FAM81B: variants seen among roughly 807,000 people sequenced by gnomAD.
The protein encoded by FAM81B is family with sequence similarity 81 member B, also known as protein FAM81B.
FAM81B carries 60 observed loss-of-function variants against 58.7 expected under a neutral mutation model. That is an observed-to-expected ratio of 1.02 (90% CI 0.83 to 1.27). The LOEUF (loss-of-function observed/expected upper bound fraction) is 1.27. Among genes scored for constraint, FAM81B ranks in the 50% most tolerant of loss-of-function variants. The pLI, the probability that FAM81B is intolerant of heterozygous loss-of-function variation, is 0.00. For missense variants in FAM81B, 491 were observed against 522.0 expected (o/e 0.94, Z 0.58); for synonymous variants, 189 against 179.6 (o/e 1.05, Z -0.42).
rs140196225 is a variant in FAM81B, at chr5:95,428,463, T to C, written c.657-140T>C. ...AGGGAAAAATGAAGAAAGAGATTCC[T>C]GAATACACTCCTATATCTACCAACT... is the stretch of plus-strand genomic sequence containing the variant. On this transcript the variant is annotated intron_variant, in intron 5 of 9. Coordinates refer to ENST00000283357, the MANE Select transcript of FAM81B (RefSeq NM_152548.3). 595 of 1,028,276 alleles carry C rather than the reference T, an allele frequency of 5.8e-4. 4 individuals are homozygous for C. In the African/African-American group the frequency reaches 8.5e-3, roughly 15 times the overall value. 63.7% of individuals were successfully genotyped at this position (1,028,276 alleles called of 1,614,324 possible). A position where few individuals can be genotyped will look rare whatever the true frequency, so the allele number is the denominator to read the frequency against.
At chr5:95,398,455 A>AAATAATTAAAT (rs1561289603) in intron 3 of FAM81B, among the ~76,000 whole-genome samples, 3 of 129,892 alleles carry the variant, frequency 2.3e-5, no homozygotes, top group African/African-American at 8.8e-5. Flanking sequence ...AATAAATAAA[A>AAATAATTAAAT]AACTTCAGCC....
intron 5 of FAM81B, among the ~76,000 whole-genome samples, chr5:95,423,758 A>C (rs529708306): frequency 6.6e-6 from 1 of 152,312 alleles, no homozygotes; most frequent in East Asian, 1.9e-4. Context: ...TCTTTAATAT[A>C]ATATGGAAGT....
In FAM81B at chr5:95,420,342, T is replaced by G. The variant is rs748405132; in HGVS notation, c.596T>G (p.Val199Gly). The change falls in exon 5 of 10, where the codon GTA becomes GGA. Residue 199 changes from valine (V) to glycine (G), a missense_variant. Transcript: ENST00000283357. ...DQAATGTNFA[V>G]HEINIKHLQG... ...GCGGCCACAGGAACTAACTTTGCAG[T>G]ACACGAGATAAACATCAAACACCTA... The G allele has an allele frequency of 3.5e-5, 57 of 1,613,732 alleles. No individual in the cohort carries two copies. The Admixed American group carries it at 9.5e-4, about 27-fold the overall frequency.
At chr5:95,437,082 TA>T (rs1745134312) in intron 7 of FAM81B, among the ~76,000 whole-genome samples, 176 bp downstream of exon 7, 1 of 152,102 alleles carries the variant, frequency 6.6e-6, no homozygotes. Context: ...ATATTTATAA[TA>T]AAAGAATTAT....
At chr5:95,445,228 TCAGAG>T (rs991724533) in intron 7 of FAM81B, among the ~76,000 whole-genome samples, 4 of 152,188 alleles carry the variant, frequency 2.6e-5, no homozygotes, top group African/African-American at 4.8e-5. Context: ...TCTGAAAACA[TCAGAG>T]CAATTATTAC....
intron 6 of FAM81B, among the ~76,000 whole-genome samples, chr5:95,433,861 T>A (rs2152768118): frequency 6.6e-6 from 1 of 152,320 alleles, no homozygotes; most frequent in South Asian, 2.1e-4. Context: ...GTTTTTAGAA[T>A]GTTTCTGCTA....
At position 95,403,427 on chromosome 5, in the gene FAM81B, T is replaced by C. The variant is rs142430432; in HGVS notation, c.293+7252T>C. ...TGAACTAGAGTAAATATTTAGTAAG[T>C]ACTTAATGTATCTTTATTTGAAATG... On this transcript the variant is annotated intron_variant, in intron 3 of 9. Transcript: ENST00000283357. Among the ~76,000 whole-genome samples the C allele has an allele frequency of 2.7e-3, 413 of 152,350 alleles. 3 individuals are homozygous for C. Among genetic ancestry groups the C allele is most frequent in the African/African-American group, 9.5e-3 (395 of 41,576 alleles).
At position 95,428,663 on chromosome 5, in the gene FAM81B, G is replaced by A; in HGVS notation, c.717G>A (p.Arg239=). 1 of 1,613,998 alleles carries A rather than the reference G, an allele frequency of 6.2e-7. No homozygotes were observed. The highest frequency in any genetic ancestry group is 8.5e-7 in the Non-Finnish European group (1 of 1,179,860). Residue 239 remains arginine (R), a synonymous_variant, in exon 6 of 10, where the codon CGG becomes CGA. Transcript: ENST00000283357. ...TTCACTTATTCAGGCAAGAGCACCG[G>A]CAAATTGAGAAAGCCATTCAAGAAT... ...GDIHLFRQEH[R]QIEKAIQEFV...
At position 95,396,183 on chromosome 5, in the gene FAM81B, T is replaced by C. The variant is rs1187797539; in HGVS notation, c.293+8T>C. 2 of 1,585,268 alleles carry C rather than the reference T, an allele frequency of 1.3e-6. No homozygotes were observed. The highest frequency in any genetic ancestry group is 1.4e-5 in the African/African-American group (1 of 73,394). On this transcript the variant is annotated splice_region_variant and intron_variant, in intron 3 of 9. Transcript: ENST00000283357. ...AGTTGAATATGTTGACAAGTAAGTGTGTAAATTACAACTAGTTTTAACTAT... is the reference window on the plus strand; with the variant it reads ...AGTTGAATATGTTGACAAGTAAGTGCGTAAATTACAACTAGTTTTAACTAT...
intron 3 of FAM81B, chr5:95,406,420 C>A (rs1762247845): frequency 2.0e-5 from 3 of 152,336 alleles, no homozygotes; most frequent in Admixed American, 2.0e-4. Flanking sequence ...ACAGGAAGCT[C>A]TGGAGCTGGG....
intron 8 of FAM81B, among the ~76,000 whole-genome samples, chr5:95,447,448 AG>A (rs1230642516): frequency 6.6e-6 from 1 of 152,240 alleles, no homozygotes; most frequent in African/African-American, 2.4e-5. Flanking sequence ...ATCACTGGTA[AG>A]GCTATCGAAG....
At chr5:95,434,684 T>G (rs2152768286) in intron 6 of FAM81B, among the ~76,000 whole-genome samples, 1 of 152,352 alleles carries the variant, frequency 6.6e-6, no homozygotes, top group Middle Eastern at 3.4e-3. Flanking sequence ...GATTAGGAAT[T>G]TTTTATTCCT....
rs72781471 is a variant in FAM81B at position 95,420,835 on chromosome 5, A to C, written c.656+433A>C. Among the ~76,000 whole-genome samples, 1,079 of 152,362 alleles carry C rather than the reference A, an allele frequency of 7.1e-3. 6 individuals are homozygous for C. The highest frequency in any genetic ancestry group is 9.3e-3 in the Non-Finnish European group (632 of 68,032). The stretch of plus-strand genomic sequence containing the variant: ...TAACATCTTTTGTACAAGATTTCTA[A>C]ATCAAAAGAATTGATGGTATGCAGT... On this transcript the variant is annotated intron_variant, in intron 5 of 9. Transcript: ENST00000283357.
At chr5:95,429,819 T>A (rs1050311650) in intron 6 of FAM81B, among the ~76,000 whole-genome samples, 1 of 152,248 alleles carries the variant, frequency 6.6e-6, no homozygotes, top group Admixed American at 6.5e-5. Flanking sequence ...TGCTGTTTGC[T>A]GCTGGCTATT....
rs964152908 is a variant in FAM81B at position 95,410,298 on chromosome 5, T to C, written c.294-3649T>C. On this transcript the variant is annotated intron_variant, in intron 3 of 9. Coordinates refer to ENST00000283357, the MANE Select transcript of FAM81B (RefSeq NM_152548.3). ...AAGCCGGAAGGAGCTGGGCACCTGA[T>C]GACTTCCTCAGTCAGCTGCTCTACC... is the stretch of plus-strand genomic sequence containing the variant. Among the ~76,000 whole-genome samples the C allele has an allele frequency of 2.6e-5, 4 of 152,218 alleles. No individual in the cohort carries two copies. In the East Asian group the frequency reaches 5.8e-4, roughly 22 times the overall value.
chr5:95,440,567 G>T (rs1397609842), intron 7 of FAM81B: 3 of 577,056 alleles, frequency 5.2e-6, no homozygotes, highest in Admixed American at 4.8e-5. Flanking sequence ...CTCAAATTCT[G>T]CAATTACTGC....
intron 5 of FAM81B, among the ~76,000 whole-genome samples, chr5:95,423,547 T>TAAAAAAAAAAAAAAAAAAAAAATAAA (rs70978187): frequency 8.1e-6 from 1 of 123,458 alleles, no homozygotes. Context: ...TGCATGTGGG[T>TAAAAAAAAAAAAAAAAAAAAAATAAA]AAAAAAAAAA....
intron 3 of FAM81B, among the ~76,000 whole-genome samples, chr5:95,409,198 G>A (rs945314517): frequency 2.0e-5 from 3 of 152,006 alleles, no homozygotes; most frequent in East Asian, 1.9e-4. Context: ...TCGCTCTGTC[G>A]CCCAGGCTGG....
intron 3 of FAM81B, among the ~76,000 whole-genome samples, chr5:95,402,816 T>C (rs1762148984): frequency 6.6e-6 from 1 of 152,216 alleles, no homozygotes; most frequent in African/African-American, 2.4e-5. Flanking sequence ...TGGCATTGGT[T>C]TCACCACCCT....
Sources: gnomAD v4.1 joint callset for allele counts (sites outside exome capture counted in the v4.1 genomes callset) on GRCh38, gnomAD v4.1.1 for gene constraint, MANE v1.5 for transcripts, NCBI Gene and HGNC (gene_info 2026-07-23, HGNC 2026-07-21) for gene names.